Variants in DRC11L observed in about 807,000 individuals in gnomAD.
DRC11L encodes the protein dynein regulatory complex subunit like-11.
At chr7:151,204,460 C>A in the DRC11L span, 2 of 399,024 alleles carry the variant, frequency 5.0e-6, no homozygotes, top group East Asian at 7.1e-5. Flanking sequence ...CCACCTCTCC[C>A]CTCCCGCTAG....
chr7:151,192,803 C>G, the DRC11L span: 1 of 399,122 alleles, frequency 2.5e-6, no homozygotes, highest in East Asian at 3.6e-5. Context: ...CAATCCAAAT[C>G]ACAGAGGGCT....
the DRC11L span, chr7:151,205,468 C>T: frequency 2.5e-6 from 1 of 399,154 alleles, no homozygotes; most frequent in Non-Finnish European, 4.4e-6. Context: ...GTCCACTCCT[C>T]CACGCTGCCC....
the DRC11L span, chr7:151,203,454 C>G: frequency 2.5e-6 from 1 of 399,120 alleles, no homozygotes; most frequent in East Asian, 3.6e-5. Flanking sequence ...AGCCCTCGCT[C>G]CCGCACAGTG....
At chr7:151,191,503 C>G in the DRC11L span, 1 of 397,586 alleles carries the variant, frequency 2.5e-6, no homozygotes, top group Non-Finnish European at 4.4e-6. Flanking sequence ...CCCTTCCCAG[C>G]TGAGCTCCAC....
At chr7:151,192,264 C>T in the DRC11L span, 1 of 399,084 alleles carries the variant, frequency 2.5e-6, no homozygotes, top group African/African-American at 2.1e-5. Context: ...TCCCCACATC[C>T]CCAGGCCTCA....
chr7:151,191,617 C>G, the DRC11L span: 1 of 399,260 alleles, frequency 2.5e-6, no homozygotes, highest in South Asian at 1.3e-4. Flanking sequence ...TTACCCACAG[C>G]CCCTGGCCCT....
chr7:151,197,475 T>C, the DRC11L span: 35 of 397,410 alleles, frequency 8.8e-5, no homozygotes, highest in African/African-American at 7.2e-4. Context: ...CTAGAGTAAC[T>C]GATGGGGTCG....
chr7:151,192,835 T>A, the DRC11L span: 1 of 398,932 alleles, frequency 2.5e-6, no homozygotes, highest in Non-Finnish European at 4.4e-6. Flanking sequence ...GCTACCTGGA[T>A]GGGTCAGAAT....
At chr7:151,204,867 C>G in the DRC11L span, 1 of 399,090 alleles carries the variant, frequency 2.5e-6, no homozygotes, top group African/African-American at 2.1e-5. Context: ...GCCGCGTGCT[C>G]TGAGCCACGG....
the DRC11L span, chr7:151,191,742 G>T: frequency 2.5e-6 from 1 of 399,282 alleles, no homozygotes; most frequent in Non-Finnish European, 4.4e-6. Context: ...AGGAACCGCC[G>T]CTCACTCAGC....
At chr7:151,204,326 C>T in the DRC11L span, among the ~76,000 whole-genome samples, 1 of 152,170 alleles carries the variant, frequency 6.6e-6, no homozygotes, top group African/African-American at 2.4e-5. Flanking sequence ...GCAGTTGTCC[C>T]AACACCAGGG....
the DRC11L span, chr7:151,205,391 C>T: frequency 2.5e-6 from 1 of 399,244 alleles, no homozygotes; most frequent in South Asian, 1.3e-4. Flanking sequence ...TAAGGAGATG[C>T]TCTGCCCTTT....
At chr7:151,192,367 G>T in the DRC11L span, 1 of 399,328 alleles carries the variant, frequency 2.5e-6, no homozygotes, top group Non-Finnish European at 4.4e-6. Context: ...GTGGCCGGGA[G>T]GTTGTCCCAA....
chr7:151,197,931 C>T, the DRC11L span: 1 of 398,490 alleles, frequency 2.5e-6, no homozygotes, highest in East Asian at 3.6e-5. Context: ...GATGATTGGA[C>T]AGAAAGATGA....
chr7:151,195,925 A>C, the DRC11L span: 1 of 320,052 alleles, frequency 3.1e-6, no homozygotes, highest in Non-Finnish European at 5.7e-6. Context: ...CATGCGGAGA[A>C]GCCCCCAGAT....
At chr7:151,199,639 G>A in the DRC11L span, among the ~76,000 whole-genome samples, 1 of 152,056 alleles carries the variant, frequency 6.6e-6, no homozygotes, top group Non-Finnish European at 1.5e-5. The surrounding 1 kb of genome is among the most constrained non-coding windows in gnomAD (Gnocchi z 5.2). Flanking sequence ...CAAGCCTCCA[G>A]TGGTAGCCTC....
chr7:151,192,715 C>T, the DRC11L span: 1 of 399,220 alleles, frequency 2.5e-6, no homozygotes, highest in African/African-American at 2.1e-5. Flanking sequence ...TACCTGCCCA[C>T]ACGGCCTTCA....
At chr7:151,194,879 G>T in the DRC11L span, among the ~76,000 whole-genome samples, 2 of 152,232 alleles carry the variant, frequency 1.3e-5, no homozygotes, top group African/African-American at 2.4e-5. Context: ...TCATTAGTCT[G>T]CCCCCTGACC....
the DRC11L span, chr7:151,204,785 C>T: frequency 1.3e-5 from 5 of 399,152 alleles, no homozygotes; most frequent in South Asian, 2.5e-4. Flanking sequence ...GCTCTTGGTC[C>T]AGCAGCTCCT....
Sources: allele counts gnomAD v4.1 joint callset (sites outside exome capture counted in the v4.1 genomes callset), GRCh38; gene constraint gnomAD v4.1.1; non-coding constraint Gnocchi (gnomAD v3.1); transcripts MANE v1.5; gene names NCBI Gene and HGNC (gene_info 2026-07-23, HGNC 2026-07-21).